The following OTOG variants were observed in gnomAD, a reference collection of about 807,000 sequenced individuals.
OTOG encodes otogelin.
In OTOG, 296 loss-of-function variants were observed where a neutral mutation model predicts 313.8. The ratio of observed to expected loss-of-function variants is 0.94; its 90% CI spans 0.86 to 1.04. The LOEUF is 1.04. OTOG is among the 50% of genes least tolerant of loss of function. The pLI is 0.00. For synonymous variants in OTOG, 1,533 were observed against 1,554.9 expected, an observed-to-expected ratio of 0.99 and a Z score of 0.33; for missense variants, 3,948 against 3,840.1, an observed-to-expected ratio of 1.03 and a Z score of -0.74.
At chr11:17,642,287 A>G in intron 53 of OTOG, 41 bp downstream of exon 53, 1 of 1,519,536 alleles carries the variant, frequency 6.6e-7, no homozygotes, top group Middle Eastern at 1.7e-4. Flanking sequence ...GGCCAGGGGC[A>G]TCAGCTGTCT....
At chr11:17,635,459 C>A (rs1042219811) in intron 46 of OTOG, 151 bp from the exon 47 acceptor site, 3 of 672,624 alleles carry the variant, frequency 4.5e-6, no homozygotes, top group Admixed American at 2.3e-5. Context: ...ATTCTGATTC[C>A]AGAACGGATC....
intron 31 of OTOG, among the ~76,000 whole-genome samples, chr11:17,601,758 T>A (rs942691658): frequency 1.3e-5 from 2 of 152,140 alleles, no homozygotes; most frequent in African/African-American, 2.4e-5. Context: ...GACTCAACAG[T>A]GACACGTGTT....
At chr11:17,603,644 A>C (rs1565113005) in intron 32 of OTOG, among the ~76,000 whole-genome samples, 1 of 152,128 alleles carries the variant, frequency 6.6e-6, no homozygotes, top group Non-Finnish European at 1.5e-5. Context: ...GGCTGTGCCC[A>C]GGGTCCTGGG....
Position 17,642,189 on chromosome 11 carries a change from C to T in OTOG, c.8358C>T (p.Ala2786=), listed in dbSNP as rs573309373. ...ACTGCAGCAGCACGCCCCTGGGTGC[C>T]GTGCTGGTCCGCTCTCCCATAAGCT... The part of the protein sequence containing the change: ...RHHCSSTPLG[A]VLVRSPISCP... The change falls in exon 53 of 56, where the codon GCC becomes GCT. Residue 2786 remains alanine, a synonymous_variant. Coordinates refer to ENST00000399397, the MANE Select transcript of OTOG (RefSeq NM_001292063.2). The T allele has an allele frequency of 1.9e-4, 302 of 1,550,362 alleles. No individual in the cohort carries two copies. Among genetic ancestry groups the T allele is most frequent in the East Asian group, 4.2e-4 (17 of 40,914 alleles).
chr11:17,637,595 T>C (rs1354511049), intron 47 of OTOG, among the ~76,000 whole-genome samples: 2 of 152,222 alleles, frequency 1.3e-5, no homozygotes, highest in African/African-American at 4.8e-5. Flanking sequence ...AGTGCGTGCA[T>C]GAGCTTCATA....
At chr11:17,582,007 T>C (rs1481078908) in intron 23 of OTOG, among the ~76,000 whole-genome samples, 1 of 152,196 alleles carries the variant, frequency 6.6e-6, no homozygotes, top group Middle Eastern at 3.2e-3. Flanking sequence ...CAGTAGTGTG[T>C]TCCTTTTTCT....
At position 17,611,111 on chromosome 11, in the gene OTOG, TACGAGCC is replaced by T; in HGVS notation, c.5814_5820del (p.Ser1939LeufsTer26). 6.4e-7 allele frequency: 1 copy of T among 1,550,470 alleles called. No individual in the cohort carries two copies. Among genetic ancestry groups the T allele is most frequent in the Non-Finnish European group, 8.7e-7 (1 of 1,146,936 alleles). Reference sequence around the variant, plus strand: ...GTGGGCCCACAGAGCTCACGCCTGCTACGAGCCACCCTCTCACGCCCTTGGTGGCTGA... The same window carrying T: ...GTGGGCCCACAGAGCTCACGCCTGCTACCCTCTCACGCCCTTGGTGGCTGA... On this transcript the variant is annotated frameshift_variant, in exon 36 of 56. Coordinates refer to ENST00000399397, the MANE Select transcript of OTOG (RefSeq NM_001292063.2). LOFTEE classifies it high-confidence loss of function.
At chr11:17,624,857 G>A (rs1416994375) in intron 39 of OTOG, among the ~76,000 whole-genome samples, 1 of 152,062 alleles carries the variant, frequency 6.6e-6, no homozygotes, top group Non-Finnish European at 1.5e-5. Flanking sequence ...AGTTCTCCTT[G>A]TAAAGATCTT....
At chr11:17,591,397 T>G (rs1307227223) in intron 24 of OTOG, 53 bp from the exon 25 acceptor site, 4 of 1,543,752 alleles carry the variant, frequency 2.6e-6, no homozygotes, top group Non-Finnish European at 3.5e-6. Context: ...TCATGAGTAT[T>G]CAGGTATGGG....
intron 1 of OTOG, 82 bp downstream of exon 1, chr11:17,547,548 T>C (rs1851836034): frequency 1.6e-6 from 2 of 1,267,040 alleles, no homozygotes; most frequent in Non-Finnish European, 2.0e-6. Flanking sequence ...CCCGCGCAGG[T>C]TGGAGAGAGG....
intron 32 of OTOG, among the ~76,000 whole-genome samples, chr11:17,603,787 A>C (rs1311841608): frequency 6.6e-6 from 1 of 152,202 alleles, no homozygotes. Flanking sequence ...CACAGAGGGG[A>C]GGACTCAGCA....
intron 51 of OTOG, among the ~76,000 whole-genome samples, 163 bp from the exon 52 acceptor site, chr11:17,641,684 G>A (rs902430118): frequency 6.6e-6 from 1 of 152,120 alleles, no homozygotes; most frequent in African/African-American, 2.4e-5. Context: ...GTAGATACAG[G>A]GATGATTAGC....
chr11:17,632,972 G>A (rs1203505098), intron 42 of OTOG, among the ~76,000 whole-genome samples: 4 of 152,156 alleles, frequency 2.6e-5, no homozygotes, highest in African/African-American at 9.7e-5. Context: ...AAATACAATA[G>A]AATAGAAAAT....
At chr11:17,560,674 A>G in intron 12 of OTOG, 35 bp from the exon 13 acceptor site, 3 of 1,484,002 alleles carry the variant, frequency 2.0e-6, no homozygotes, top group East Asian at 4.9e-5. Flanking sequence ...AACAGGGGCA[A>G]AGGTGAGTTA....
chr11:17,565,588 A>G (rs1045537889), intron 15 of OTOG, among the ~76,000 whole-genome samples: 1 of 152,208 alleles, frequency 6.6e-6, no homozygotes, highest in African/African-American at 2.4e-5. Context: ...CCTTGAAGGC[A>G]GAGAATCTAC....
At chr11:17,641,777 T>C in intron 51 of OTOG, 70 bp from the exon 52 acceptor site, 5 of 1,156,498 alleles carry the variant, frequency 4.3e-6, no homozygotes, top group Non-Finnish European at 6.2e-6. Flanking sequence ...CCCTCACAGA[T>C]AACCAGGCAG....
rs1425515486 is a variant in OTOG at position 17,610,184 on chromosome 11, G to C, written c.4884G>C (p.Leu1628Phe). The C allele has an allele frequency of 1.9e-6, 3 of 1,550,430 alleles. No homozygotes were observed. Among genetic ancestry groups the C allele is most frequent in the African/African-American group, 1.4e-5 (1 of 72,988 alleles). Residue 1628 changes from leucine (L) to phenylalanine (F), a missense_variant, in exon 36 of 56, where the codon TTG (leucine) becomes TTC (phenylalanine). Physicochemically the swap from Leu to Phe is conservative, Grantham distance 22 (BLOSUM62 0). Coordinates refer to ENST00000399397, the MANE Select transcript of OTOG (RefSeq NM_001292063.2). The part of the protein sequence containing the change: ...KAVTVRGHGS[L>F]PVRTTPPQPS... ...TGACAGTCCGAGGCCATGGCTCCTT[G>C]CCTGTTAGGACGACACCCCCACAGC...
intron 32 of OTOG, among the ~76,000 whole-genome samples, chr11:17,603,534 G>C (rs1292526895): frequency 1.3e-5 from 2 of 152,170 alleles, no homozygotes; most frequent in Non-Finnish European, 2.9e-5. Flanking sequence ...GGATGCCAGA[G>C]GGGCTCCAGT....
intron 28 of OTOG, among the ~76,000 whole-genome samples, chr11:17,595,376 C>T (rs7121988): frequency 0.012 from 1,793 of 152,220 alleles, 40 homozygotes; most frequent in African/African-American, 0.041. Flanking sequence ...CAGCAGACAT[C>T]GGAAACATCT....
Sources: gnomAD v4.1 joint callset for allele counts (sites outside exome capture counted in the v4.1 genomes callset) on GRCh38, gnomAD v4.1.1 for gene constraint, MANE v1.5 for transcripts, NCBI Gene and HGNC (gene_info 2026-07-23, HGNC 2026-07-21) for gene names.